NTN4: variants seen among roughly 807,000 people sequenced by gnomAD.
NTN4 encodes the protein netrin 4, also known as netrin-4.
Under a neutral mutation model 73.6 loss-of-function variants are expected in NTN4, and 32 were observed. The observed-to-expected ratio is 0.44, with a 90% confidence interval of 0.33 to 0.58. The LOEUF is 0.58. Among genes scored for constraint, NTN4 ranks in the 20% least tolerant of loss-of-function variants. NTN4 has a pLI of 0.04. For missense variants in NTN4, 654 were observed against 798.3 expected (o/e 0.82, Z 2.18); for synonymous variants, 258 against 287.5 (o/e 0.90, Z 1.04).
intron 5 of NTN4, among the ~76,000 whole-genome samples, chr12:95,703,662 T>A (rs917642236): frequency 6.6e-6 from 1 of 152,206 alleles, no homozygotes; most frequent in Admixed American, 6.5e-5. Context: ...CTATTAACAT[T>A]TCATAGAATT....
chr12:95,732,243 T>C (rs559850453), intron 3 of NTN4, among the ~76,000 whole-genome samples: 1 of 84,734 alleles, frequency 1.2e-5, no homozygotes, highest in East Asian at 2.8e-4. Context: ...TCTTTCTCTG[T>C]CTTTCTTTCT....
At chr12:95,670,476 A>G (rs1020690787) in intron 7 of NTN4, 1 of 180,294 alleles carries the variant, frequency 5.5e-6, no homozygotes, top group East Asian at 1.4e-4. Context: ...ATGGAAAACA[A>G]TTGTCTTTCT....
rs771049050 is a variant in NTN4, at chr12:95,710,553, A to T, written c.1068T>A (p.Gly356=). The T allele has an allele frequency of 6.2e-7, 1 of 1,614,158 alleles. No individual in the cohort carries two copies. Among genetic ancestry groups the T allele is most frequent in the East Asian group, 2.2e-5 (1 of 44,892 alleles). ...NVWEASGNRS[G]GVCDDCQHNT... Reference sequence around the variant, plus strand: ...TGTGCTGACAGTCATCACAGACACCACCACTACGATTCCCTGATGCCTCCC... The same window carrying T: ...TGTGCTGACAGTCATCACAGACACCTCCACTACGATTCCCTGATGCCTCCC... The change falls in exon 5 of 10, where the codon GGT becomes GGA. Residue 356 remains glycine (G), a synonymous_variant. Coordinates refer to ENST00000343702, the MANE Select transcript of NTN4 (RefSeq NM_021229.4).
At chr12:95,786,188 T>C (rs78764462) in intron 2 of NTN4, among the ~76,000 whole-genome samples, 2,972 of 152,340 alleles carry the variant, frequency 0.02, 95 homozygotes, top group African/African-American at 0.067. Context: ...TGAAGTATTA[T>C]ATTCTCTTAA....
chr12:95,698,883 C>T (rs139942905), intron 5 of NTN4, among the ~76,000 whole-genome samples: 623 of 151,754 alleles, frequency 4.1e-3, no homozygotes, highest in Non-Finnish European at 6.7e-3. Flanking sequence ...AAAAAATAAT[C>T]GTAGCTTCTC....
intron 2 of NTN4, among the ~76,000 whole-genome samples, chr12:95,777,170 A>G (rs2079099804): frequency 6.6e-6 from 1 of 152,242 alleles, no homozygotes; most frequent in African/African-American, 2.4e-5. Flanking sequence ...AGCACTAAAC[A>G]TGGAAAGGAA....
rs536149365 is a variant in NTN4 at position 95,707,290 on chromosome 12, T to C, written c.1180+3151A>G. Among the ~76,000 whole-genome samples the C allele has an allele frequency of 9.2e-5, 14 of 152,278 alleles. No individual in the cohort carries two copies. The South Asian group carries it at 2.9e-3, about 32-fold the overall frequency. On this transcript the variant is annotated intron_variant, in intron 5 of 9. Coordinates refer to ENST00000343702, the MANE Select transcript of NTN4 (RefSeq NM_021229.4). ...CATCTCCTGACACCCCCAACTCTCATTCTGATGCAGCCACGCTAACCCCCA... is the reference window on the plus strand; with the variant it reads ...CATCTCCTGACACCCCCAACTCTCACTCTGATGCAGCCACGCTAACCCCCA...
In NTN4 at chr12:95,787,453, G is replaced by A; in HGVS notation, c.71C>T (p.Ala24Val). The change falls in exon 2 of 10, where the codon GCT (alanine) becomes GTT (valine). Residue 24 changes from alanine to valine, a missense_variant. Physicochemically the swap from Ala to Val is moderately conservative, Grantham distance 64. Coordinates refer to ENST00000343702, the MANE Select transcript of NTN4 (RefSeq NM_021229.4). The part of the protein sequence containing the change: ...TVVAAGLSGV[A>V]GVSSRCEKAC... Reference sequence around the variant, plus strand: ...TTTTTCACAGCGGGAACTCACTCCAGCTACTCCACTCAGTCCTAAGAAAGG... The same window carrying A: ...TTTTTCACAGCGGGAACTCACTCCAACTACTCCACTCAGTCCTAAGAAAGG... 1 of 1,613,946 alleles carries A rather than the reference G, an allele frequency of 6.2e-7. No homozygotes were observed.
intron 2 of NTN4, among the ~76,000 whole-genome samples, chr12:95,755,950 T>C (rs1227826344): frequency 3.9e-5 from 6 of 152,230 alleles, no homozygotes; most frequent in Non-Finnish European, 8.8e-5. Context: ...TTTTTCTTTT[T>C]GCCCTCAGGA....
At chr12:95,733,277 T>C (rs913564185) in intron 3 of NTN4, among the ~76,000 whole-genome samples, 6 of 152,206 alleles carry the variant, frequency 3.9e-5, no homozygotes, top group Admixed American at 3.9e-4. Context: ...AAGCTTAAGA[T>C]CTCTTCACAC....
intron 7 of NTN4, among the ~76,000 whole-genome samples, chr12:95,678,749 G>A (rs2078293694): frequency 6.6e-6 from 1 of 151,760 alleles, no homozygotes; most frequent in Non-Finnish European, 1.5e-5. Flanking sequence ...AACAAGTTCA[G>A]CAAAGTCGCT....
At chr12:95,730,150 C>T (rs1245640952) in intron 3 of NTN4, among the ~76,000 whole-genome samples, 3 of 152,168 alleles carry the variant, frequency 2.0e-5, no homozygotes, top group Non-Finnish European at 2.9e-5. Context: ...GTATTTCAAA[C>T]CTGTTAGATT....
chr12:95,717,664 GAAA>G (rs60647046), intron 3 of NTN4, among the ~76,000 whole-genome samples: 1 of 119,376 alleles, frequency 8.4e-6, no homozygotes. Flanking sequence ...GGTCTTCATT[GAAA>G]AAAAAAAAAA....
chr12:95,671,116 A>T (rs2078226638), intron 7 of NTN4: 1 of 152,196 alleles, frequency 6.6e-6, no homozygotes. Flanking sequence ...CTCCTGTCTC[A>T]GCTTCCTGAG....
rs111493505 is a variant in NTN4 at position 95,662,845 on chromosome 12, C to T, written c.1750+2965G>A. ...GAAACTTCAAGGTTAGGGCTGGATG[C>T]AGTGGCTCTCGCCTGTAATCCCAGT... On this transcript the variant is annotated intron_variant, in intron 9 of 9. Coordinates refer to ENST00000343702, the MANE Select transcript of NTN4 (RefSeq NM_021229.4). Among the ~76,000 whole-genome samples the T allele has an allele frequency of 4.2e-3, 634 of 152,258 alleles. 1 individual carries two copies. Among genetic ancestry groups the T allele is most frequent in the Non-Finnish European group, 6.6e-3 (451 of 68,008 alleles).
intron 9 of NTN4, among the ~76,000 whole-genome samples, chr12:95,659,442 T>A (rs955682074): frequency 6.6e-5 from 10 of 152,092 alleles, no homozygotes; most frequent in African/African-American, 2.2e-4. Flanking sequence ...ACTACAGTTG[T>A]GCGCCACCAC....
intron 2 of NTN4, among the ~76,000 whole-genome samples, chr12:95,785,984 A>C: frequency 6.6e-6 from 1 of 152,136 alleles, no homozygotes; most frequent in East Asian, 1.9e-4. Flanking sequence ...ACTAGATGCC[A>C]GTGGTGTTCC....
chr12:95,666,192 T>C (rs2078178431), intron 8 of NTN4, among the ~76,000 whole-genome samples: 1 of 152,158 alleles, frequency 6.6e-6, no homozygotes, highest in Non-Finnish European at 1.5e-5. Context: ...CAAACCTCAT[T>C]ATATTCTCAT....
intron 3 of NTN4, among the ~76,000 whole-genome samples, chr12:95,716,826 T>TA (rs574356358): frequency 4.7e-4 from 72 of 152,284 alleles, no homozygotes; most frequent in Middle Eastern, 6.8e-3. Context: ...TAATTTTTTT[T>TA]AGAGACAGGG....
Sources: gnomAD v4.1 joint callset for allele counts (sites outside exome capture counted in the v4.1 genomes callset) on GRCh38, gnomAD v4.1.1 for gene constraint, MANE v1.5 for transcripts, NCBI Gene and HGNC (gene_info 2026-07-23, HGNC 2026-07-21) for gene names.